CAMTA1: variants seen among roughly 807,000 people sequenced by gnomAD.
CAMTA1 encodes the protein calmodulin binding transcription activator 1.
Under a neutral mutation model 170.9 loss-of-function variants are expected in CAMTA1, and 27 were observed. The observed-to-expected ratio is 0.16, with a 90% CI of 0.12 to 0.22. CAMTA1 has a LOEUF of 0.22. Ranked by LOEUF, CAMTA1 falls within the 10% of genes least tolerant of loss-of-function variation. The pLI, the probability that CAMTA1 is intolerant of heterozygous loss-of-function variation, is 1.00. For missense variants in CAMTA1, 1,619 were observed against 2,217.2 expected (o/e 0.73, Z 5.42); for synonymous variants, 833 against 891.5 (o/e 0.93, Z 1.17).
At position 7,007,086 on chromosome 1, in the gene CAMTA1, T is replaced by TC. The variant is rs1699112438; in HGVS notation, c.235-84216dup. ...TGGGCTTTCAGTTTGGCCACAGGTG[T>TC]CCTGGTAGTCAGGGCCAAGGGGATG... On this transcript the variant is annotated intron_variant, in intron 3 of 22. Coordinates refer to ENST00000303635, the MANE Select transcript of CAMTA1 (RefSeq NM_015215.4). This position sits in a 1 kb window ranked among gnomAD's most constrained non-coding sequence, Gnocchi z 4.5. Among the ~76,000 whole-genome samples, 2 of 152,018 alleles carry TC rather than the reference T, an allele frequency of 1.3e-5. No individual in the cohort carries two copies. The highest frequency in any genetic ancestry group is 1.3e-4 in the Admixed American group (2 of 15,292).
chr1:6,949,071 G>A (rs1304283939), intron 3 of CAMTA1, among the ~76,000 whole-genome samples: 1 of 152,196 alleles, frequency 6.6e-6, no homozygotes, highest in African/African-American at 2.4e-5. Context: ...GCAAACTCCT[G>A]TCTTTTCTGA....
intron 6 of CAMTA1, among the ~76,000 whole-genome samples, chr1:7,629,098 T>A (rs2095651869): frequency 6.6e-6 from 1 of 152,092 alleles, no homozygotes; most frequent in African/African-American, 2.4e-5. Context: ...TGCTAATAAA[T>A]CAAAAATTAG....
chr1:7,337,811 G>A (rs765573787), intron 5 of CAMTA1, among the ~76,000 whole-genome samples: 3 of 152,300 alleles, frequency 2.0e-5, no homozygotes, highest in Non-Finnish European at 4.4e-5. Context: ...AGCGCTGCCT[G>A]AGTTTCCAGC....
At chr1:7,512,437 C>T (rs959066979) in intron 6 of CAMTA1, among the ~76,000 whole-genome samples, 7 of 152,142 alleles carry the variant, frequency 4.6e-5, no homozygotes, top group African/African-American at 1.7e-4. Flanking sequence ...CAACACTGCT[C>T]GGTAACAAAC....
intron 5 of CAMTA1, among the ~76,000 whole-genome samples, chr1:7,309,286 AATTTTTTT>A (rs1557486833): frequency 4.2e-5 from 6 of 142,968 alleles, no homozygotes; most frequent in African/African-American, 1.6e-4. Context: ...GCAGTTAGAA[AATTTTTTT>A]TTTTTTTTTT....
At chr1:7,451,802 C>T (rs2092831317) in intron 5 of CAMTA1, among the ~76,000 whole-genome samples, 1 of 152,220 alleles carries the variant, frequency 6.6e-6, no homozygotes. Flanking sequence ...TCCCTGCCCT[C>T]AGCTCCCCTG....
intron 3 of CAMTA1, among the ~76,000 whole-genome samples, chr1:6,954,256 G>A (rs1369168270): frequency 6.6e-6 from 1 of 152,210 alleles, no homozygotes; most frequent in Non-Finnish European, 1.5e-5. Flanking sequence ...GCACGTCCAA[G>A]GGCCAGGTGC....
chr1:6,841,307 C>T (rs969610503), intron 3 of CAMTA1, among the ~76,000 whole-genome samples: 1 of 152,180 alleles, frequency 6.6e-6, no homozygotes, highest in Non-Finnish European at 1.5e-5. Flanking sequence ...TTCCCCTTTG[C>T]CTTGTGATGT....
At chr1:7,394,443 A>G (rs2089067871) in intron 5 of CAMTA1, among the ~76,000 whole-genome samples, 1 of 152,106 alleles carries the variant, frequency 6.6e-6, no homozygotes, top group African/African-American at 2.4e-5. Flanking sequence ...ATGATTAGTG[A>G]TGTTGAGCAT....
In CAMTA1 at chr1:7,300,615, T is replaced by C. The variant is rs1214281669; in HGVS notation, c.438+50989T>C. Among the ~76,000 whole-genome samples, 2 of 151,968 alleles carry C rather than the reference T, an allele frequency of 1.3e-5. No homozygotes were observed. Among genetic ancestry groups the C allele is most frequent in the Non-Finnish European group, 2.9e-5 (2 of 68,024 alleles). On this transcript the variant is annotated intron_variant, in intron 5 of 22. Transcript: ENST00000303635. This position sits in a 1 kb window ranked among gnomAD's most constrained non-coding sequence, Gnocchi z 4.1. The stretch of plus-strand genomic sequence containing the variant: ...TCACTTGAACCCGGGAGGCAGAGGT[T>C]GCAGTGAGCCAAGATGGTGCCACTG...
At chr1:7,340,589 C>T (rs1292051024) in intron 5 of CAMTA1, among the ~76,000 whole-genome samples, 1 of 140,228 alleles carries the variant, frequency 7.1e-6, no homozygotes, top group Non-Finnish European at 1.5e-5. Flanking sequence ...ATCCTTCCAT[C>T]CTTCCTGGCT....
chr1:7,504,770 G>A (rs564705176), intron 6 of CAMTA1, among the ~76,000 whole-genome samples: 14 of 152,394 alleles, frequency 9.2e-5, no homozygotes, highest in African/African-American at 2.2e-4. Flanking sequence ...GCTCTGGACC[G>A]TTAGGGCAGC....
chr1:6,922,625 G>A (rs1682263709), intron 3 of CAMTA1, among the ~76,000 whole-genome samples: 1 of 152,206 alleles, frequency 6.6e-6, no homozygotes, highest in Admixed American at 6.5e-5. Context: ...GCCGGTGGAT[G>A]CTGTGTTGCC....
intron 4 of CAMTA1, among the ~76,000 whole-genome samples, chr1:7,240,377 A>G (rs959949995): frequency 1.3e-5 from 2 of 152,138 alleles, no homozygotes; most frequent in African/African-American, 2.4e-5. Context: ...TCTTCCAACA[A>G]TGAGCAATTA....
rs112936960 is a variant in CAMTA1 at position 6,928,766 on chromosome 1, T to G, written c.234+103556T>G. Among the ~76,000 whole-genome samples the G allele has an allele frequency of 8.5e-5, 13 of 152,306 alleles. 1 individual carries two copies. The highest frequency in any genetic ancestry group is 2.6e-4 in the African/African-American group (11 of 41,550). On this transcript the variant is annotated intron_variant, in intron 3 of 22. Transcript: ENST00000303635. Reference sequence around the variant, plus strand: ...CCCAGCTCATTTTCCAGGTCTCACTTTAAATGTTACTCCTTAAACAGCCCA... The same window carrying G: ...CCCAGCTCATTTTCCAGGTCTCACTGTAAATGTTACTCCTTAAACAGCCCA...
At chr1:6,862,629 A>G (rs983979338) in intron 3 of CAMTA1, among the ~76,000 whole-genome samples, 1 of 151,976 alleles carries the variant, frequency 6.6e-6, no homozygotes, top group African/African-American at 2.4e-5. Context: ...TTCCTTTTTA[A>G]TGATTTTTCA....
At chr1:7,671,754 G>A (rs1464979347) in intron 10 of CAMTA1, among the ~76,000 whole-genome samples, 1 of 152,156 alleles carries the variant, frequency 6.6e-6, no homozygotes, top group East Asian at 1.9e-4. Flanking sequence ...TGCCTCTGAA[G>A]CCCTTCCCCA....
At position 7,335,316 on chromosome 1, in the gene CAMTA1, A is replaced by G. The variant is rs75261176; in HGVS notation, c.438+85690A>G. Among the ~76,000 whole-genome samples the G allele has an allele frequency of 5.8e-3, 878 of 152,272 alleles. 7 individuals are homozygous for G. Among genetic ancestry groups the G allele is most frequent in the African/African-American group, 0.02 (833 of 41,542 alleles). On this transcript the variant is annotated intron_variant, in intron 5 of 22. Coordinates refer to ENST00000303635, the MANE Select transcript of CAMTA1 (RefSeq NM_015215.4). The stretch of plus-strand genomic sequence containing the variant: ...AATGAGGAATGTCATGGGTATCAAT[A>G]TCTTTCCTGAGAACTGAAATTTACC...
At position 7,249,070 on chromosome 1, in the gene CAMTA1, C is replaced by G. The variant is rs1280479416; in HGVS notation, c.303-421C>G. Among the ~76,000 whole-genome samples, 2 of 152,140 alleles carry G rather than the reference C, an allele frequency of 1.3e-5. No individual in the cohort carries two copies. The highest frequency in any genetic ancestry group is 2.9e-5 in the Non-Finnish European group (2 of 68,038). On this transcript the variant is annotated intron_variant, in intron 4 of 22. Coordinates refer to ENST00000303635, the MANE Select transcript of CAMTA1 (RefSeq NM_015215.4). This position sits in a 1 kb window ranked among gnomAD's most constrained non-coding sequence, Gnocchi z 4.4. ...CGTCTGCGTTAAACTTATTTATTTC[C>G]TAATGCTGGGTGATGGATTAAAAGA...
Sources: gnomAD v4.1 joint callset for allele counts (sites outside exome capture counted in the v4.1 genomes callset) on GRCh38, gnomAD v4.1.1 for gene constraint, Gnocchi (gnomAD v3.1) non-coding constraint, MANE v1.5 for transcripts, NCBI Gene and HGNC (gene_info 2026-07-23, HGNC 2026-07-21) for gene names.